Variants in PTGES3 observed in about 807,000 individuals in gnomAD.
PTGES3 encodes prostaglandin E synthase 3, also known as Hsp90 co-chaperone.
PTGES3 carries 5 observed loss-of-function variants against 29.9 expected under a neutral mutation model. That is an observed-to-expected ratio of 0.17 (90% CI 0.09 to 0.35). PTGES3 has a LOEUF of 0.35. PTGES3 is among the 10% of genes least tolerant of loss of function. The probability of loss-of-function intolerance (pLI) is 1.00; values close to 1 mark genes in which losing one functional copy is unlikely to be tolerated. For missense variants in PTGES3, 128 were observed against 190.0 expected (o/e 0.67, Z 1.92); for synonymous variants, 49 against 57.8 (o/e 0.85, Z 0.69).
chr12:56,676,021 G>GT (rs1418196439), intron 1 of PTGES3, among the ~76,000 whole-genome samples: 3 of 151,862 alleles, frequency 2.0e-5, no homozygotes, highest in African/African-American at 7.3e-5. Context: ...GGGGCTGGGA[G>GT]TTTGAGACCA....
intron 1 of PTGES3, among the ~76,000 whole-genome samples, chr12:56,678,359 T>G (rs888964207): frequency 6.6e-6 from 1 of 152,006 alleles, no homozygotes; most frequent in Non-Finnish European, 1.5e-5. Context: ...TGTTTTTTAG[T>G]AGAGGCAGGT....
chr12:56,682,904 G>A (rs1198293946), intron 1 of PTGES3, among the ~76,000 whole-genome samples: 1 of 151,798 alleles, frequency 6.6e-6, no homozygotes, highest in African/African-American at 2.4e-5. Flanking sequence ...TGAGAGAGGA[G>A]AATCGCTTGA....
intron 1 of PTGES3, among the ~76,000 whole-genome samples, chr12:56,683,722 G>A (rs1357738011): frequency 1.3e-5 from 2 of 151,442 alleles, no homozygotes; most frequent in African/African-American, 4.8e-5. Flanking sequence ...CACTTTGGGA[G>A]GCCGAGGCAG....
At chr12:56,687,875 G>T in intron 1 of PTGES3, 123 bp downstream of exon 1, 1 of 1,562,762 alleles carries the variant, frequency 6.4e-7, no homozygotes. Context: ...TGGACCTCCC[G>T]CCCCCAGGCA....
At position 56,674,645 on chromosome 12, in the gene PTGES3, T is replaced by C. The variant is rs144645783; in HGVS notation, c.3-1580A>G. 2.2e-3 allele frequency among the ~76,000 whole-genome samples: 330 copies of C among 151,508 alleles called. 7 individuals are homozygous for C. The East Asian group carries it at 0.052, about 24-fold the overall frequency. On this transcript the variant is annotated intron_variant, in intron 1 of 7. Coordinates refer to ENST00000262033, the MANE Select transcript of PTGES3 (RefSeq NM_006601.7). ...ATTGAGACCATCCTGGCTAACACGA[T>C]GAAACCCTGTCTCTACTAAAAATAC... is the stretch of plus-strand genomic sequence containing the variant.
chr12:56,671,943 T>A, intron 3 of PTGES3, 96 bp from the exon 4 acceptor site: 1 of 697,668 alleles, frequency 1.4e-6, no homozygotes, highest in Non-Finnish European at 2.1e-6. Context: ...TTTCTTTACC[T>A]AAATTTTCTC....
chr12:56,680,345 G>C (rs377519590), intron 1 of PTGES3, among the ~76,000 whole-genome samples: 4 of 151,752 alleles, frequency 2.6e-5, no homozygotes, highest in East Asian at 3.9e-4. Flanking sequence ...AAAGTGGTGG[G>C]ATTATAGGTG....
At chr12:56,665,627 C>T in intron 6 of PTGES3, 1 of 985,316 alleles carries the variant, frequency 1.0e-6, no homozygotes, top group Non-Finnish European at 1.2e-6. Flanking sequence ...TAGTCAAAAT[C>T]ATACCTATAA....
At chr12:56,667,534 A>C (rs1951834429) in intron 5 of PTGES3, among the ~76,000 whole-genome samples, 1 of 152,218 alleles carries the variant, frequency 6.6e-6, no homozygotes, top group African/African-American at 2.4e-5. Context: ...GAAGAATCTG[A>C]AGCACGTCAT....
chr12:56,665,449 C>A, intron 6 of PTGES3: 1 of 903,272 alleles, frequency 1.1e-6, no homozygotes, highest in Non-Finnish European at 1.3e-6. Flanking sequence ...CACCCGCCAC[C>A]ATGCCCGGCT....
chr12:56,679,654 C>T (rs886122552), intron 1 of PTGES3, among the ~76,000 whole-genome samples: 1 of 151,992 alleles, frequency 6.6e-6, no homozygotes, highest in Non-Finnish European at 1.5e-5. Context: ...AAACTCAGCC[C>T]CCTCTCCATA....
intron 5 of PTGES3, 77 bp downstream of exon 5, chr12:56,670,198 C>T (rs951871484): frequency 9.9e-7 from 1 of 1,014,588 alleles, no homozygotes; most frequent in African/African-American, 1.6e-5. Flanking sequence ...ATTAGGTGCC[C>T]AAAACCATAT....
intron 1 of PTGES3, among the ~76,000 whole-genome samples, chr12:56,683,985 C>CA (rs993093097): frequency 1.8e-4 from 27 of 146,706 alleles, no homozygotes; most frequent in African/African-American, 4.5e-4. Flanking sequence ...AAAAAACAAA[C>CA]AAAAAAAACC....
At chr12:56,678,920 C>T (rs1369667307) in intron 1 of PTGES3, among the ~76,000 whole-genome samples, 3 of 151,986 alleles carry the variant, frequency 2.0e-5, no homozygotes, top group Non-Finnish European at 4.4e-5. Flanking sequence ...AGTTCAAGAC[C>T]AGCCTGGGCA....
intron 5 of PTGES3, among the ~76,000 whole-genome samples, chr12:56,668,441 A>G (rs2958123): frequency 0.59 from 89,178 of 152,064 alleles, 27,504 homozygotes; most frequent in South Asian, 0.75. Flanking sequence ...AACAAAAAAC[A>G]AAAACAGTGT....
At chr12:56,687,663 C>T in intron 1 of PTGES3, 1 of 1,245,724 alleles carries the variant, frequency 8.0e-7, no homozygotes, top group Non-Finnish European at 1.0e-6. Flanking sequence ...GTTCACGCTT[C>T]AGGGCGCCGC....
chr12:56,675,097 C>T (rs959817414), intron 1 of PTGES3, among the ~76,000 whole-genome samples: 2 of 149,250 alleles, frequency 1.3e-5, no homozygotes, highest in Admixed American at 6.8e-5. Context: ...GTCAGGAGTT[C>T]GAGACCAGCC....
intron 6 of PTGES3, chr12:56,665,260 C>T (rs1441530084): frequency 2.0e-6 from 2 of 980,828 alleles, no homozygotes; most frequent in Non-Finnish European, 2.4e-6. Flanking sequence ...GTGTATCTTC[C>T]TCTTACAGAT....
At chr12:56,681,861 A>T (rs1952559237) in intron 1 of PTGES3, among the ~76,000 whole-genome samples, 2 of 151,884 alleles carry the variant, frequency 1.3e-5, no homozygotes, top group Admixed American at 1.3e-4. Flanking sequence ...CATCTCAAAA[A>T]AAAAGAGTCT....
Sources: allele counts gnomAD v4.1 joint callset (sites outside exome capture counted in the v4.1 genomes callset), GRCh38; gene constraint gnomAD v4.1.1; transcripts MANE v1.5; gene names NCBI Gene and HGNC (gene_info 2026-07-23, HGNC 2026-07-21).